Variants in PEBP4 observed in about 807,000 individuals in gnomAD.
The protein encoded by PEBP4 is phosphatidylethanolamine binding protein 4.
In PEBP4, 22 loss-of-function variants were observed where a neutral mutation model predicts 23.9. The ratio of observed to expected loss-of-function variants is 0.92; its 90% CI spans 0.66 to 1.31. The LOEUF (loss-of-function observed/expected upper bound fraction) is 1.31, where lower values mean the gene tolerates loss of function less well. Ranked by LOEUF, PEBP4 falls within the 40% of genes most tolerant of loss-of-function variation. PEBP4 has a pLI of 0.00. For synonymous variants in PEBP4, 112 were observed against 99.3 expected (o/e 1.13, Z -0.76); for missense variants, 324 against 281.7 (o/e 1.15, Z -1.07).
intron 3 of PEBP4, among the ~76,000 whole-genome samples, chr8:22,916,507 C>T (rs182171352): frequency 2.6e-3 from 396 of 152,306 alleles, no homozygotes; most frequent in Admixed American, 4.3e-3. Context: ...AGCTCACACC[C>T]CACCCCTAGG....
At chr8:22,848,075 A>G (rs1421029392) in intron 3 of PEBP4, among the ~76,000 whole-genome samples, 1 of 152,094 alleles carries the variant, frequency 6.6e-6, no homozygotes, top group African/African-American at 2.4e-5. Flanking sequence ...GGAATTCAAA[A>G]GCCGTTTTAT....
In PEBP4 at chr8:22,726,772, G is replaced by C. The variant is rs535318490; in HGVS notation, c.403+403C>G. On this transcript the variant is annotated intron_variant, in intron 5 of 6. Coordinates refer to ENST00000256404, the MANE Select transcript of PEBP4 (RefSeq NM_144962.3). ...TGCAGGGCTAAGTTTGGTGCCCAGT[G>C]CTGTGCCAGAGGCCAGCCCAGTACC... is the stretch of plus-strand genomic sequence containing the variant. Among the ~76,000 whole-genome samples the C allele has an allele frequency of 3.3e-5, 5 of 152,138 alleles. No homozygotes were observed. In the South Asian group the frequency reaches 1.0e-3, roughly 31 times the overall value.
chr8:22,855,474 T>C (rs992245470), intron 3 of PEBP4, among the ~76,000 whole-genome samples: 1 of 152,176 alleles, frequency 6.6e-6, no homozygotes, highest in African/African-American at 2.4e-5. Context: ...CTATTAGATG[T>C]GGGGTCTGTG....
intron 6 of PEBP4, among the ~76,000 whole-genome samples, chr8:22,719,428 C>T (rs1176830860): frequency 6.6e-6 from 1 of 152,180 alleles, no homozygotes; most frequent in Non-Finnish European, 1.5e-5. Context: ...TGGTGTGGCA[C>T]AGACCGCAGC....
chr8:22,839,643 A>C (rs920414636), intron 3 of PEBP4, among the ~76,000 whole-genome samples: 5 of 152,182 alleles, frequency 3.3e-5, no homozygotes, highest in African/African-American at 4.8e-5. Context: ...GCACAAAACA[A>C]ATACTTGCAG....
chr8:22,915,670 G>A (rs993024428), intron 3 of PEBP4, among the ~76,000 whole-genome samples: 9 of 152,222 alleles, frequency 5.9e-5, no homozygotes, highest in African/African-American at 2.2e-4. Flanking sequence ...CCCTGAGCCA[G>A]TGGGCCTGCA....
intron 4 of PEBP4, among the ~76,000 whole-genome samples, chr8:22,780,876 G>A (rs1321767205): frequency 6.6e-6 from 1 of 152,168 alleles, no homozygotes; most frequent in Non-Finnish European, 1.5e-5. Flanking sequence ...GTGCTCCCAC[G>A]TGTTGCCCTG....
chr8:22,760,551 G>T (rs2128752939), intron 4 of PEBP4, among the ~76,000 whole-genome samples: 1 of 152,192 alleles, frequency 6.6e-6, no homozygotes, highest in East Asian at 1.9e-4. Context: ...GGTGGCTGAG[G>T]CCAGGGAAGG....
intron 3 of PEBP4, among the ~76,000 whole-genome samples, chr8:22,901,389 G>A (rs1420156441): frequency 2.0e-5 from 3 of 152,202 alleles, no homozygotes; most frequent in African/African-American, 7.2e-5. Flanking sequence ...AGGCCTCGGG[G>A]ATTCAGTTGT....
intron 1 of PEBP4, among the ~76,000 whole-genome samples, chr8:22,933,186 T>C (rs938362823): frequency 6.6e-6 from 1 of 151,832 alleles, no homozygotes; most frequent in African/African-American, 2.4e-5. Context: ...CTTGCAGGAG[T>C]AGTCTCTGCT....
At chr8:22,819,807 C>A (rs573741950) in intron 3 of PEBP4, among the ~76,000 whole-genome samples, 1 of 152,126 alleles carries the variant, frequency 6.6e-6, no homozygotes, top group African/African-American at 2.4e-5. Context: ...GGGGTTTCAC[C>A]GTGTTAGCCA....
At chr8:22,781,491 G>A (rs185982484) in intron 4 of PEBP4, among the ~76,000 whole-genome samples, 5 of 152,108 alleles carry the variant, frequency 3.3e-5, no homozygotes, top group East Asian at 3.9e-4. Flanking sequence ...CACAGCTCCC[G>A]TCTCCATCCC....
chr8:22,803,189 C>G (rs141135646), intron 4 of PEBP4, among the ~76,000 whole-genome samples: 1 of 152,078 alleles, frequency 6.6e-6, no homozygotes, highest in Non-Finnish European at 1.5e-5. Flanking sequence ...CAATCTAATC[C>G]GACCTCTTGC....
chr8:22,811,467 C>T (rs575181488), intron 4 of PEBP4, among the ~76,000 whole-genome samples: 1 of 152,124 alleles, frequency 6.6e-6, no homozygotes, highest in Non-Finnish European at 1.5e-5. Flanking sequence ...ATCTCTAGGG[C>T]GGGACAATGA....
intron 1 of PEBP4, among the ~76,000 whole-genome samples, chr8:22,937,227 T>A (rs1809553390): frequency 6.6e-6 from 1 of 152,166 alleles, no homozygotes. Context: ...TTAGAGCTAA[T>A]AAGCAAATTC....
chr8:22,739,233 C>T (rs1019625187), intron 4 of PEBP4, among the ~76,000 whole-genome samples: 2 of 152,180 alleles, frequency 1.3e-5, no homozygotes, highest in African/African-American at 4.8e-5. Flanking sequence ...AGGTGCTGCC[C>T]TCCTCCCGTG....
At chr8:22,896,741 T>C in intron 3 of PEBP4, among the ~76,000 whole-genome samples, 1 of 152,134 alleles carries the variant, frequency 6.6e-6, no homozygotes, top group Non-Finnish European at 1.5e-5. Flanking sequence ...AGGCAGAATT[T>C]TGAAGGTGTC....
intron 3 of PEBP4, among the ~76,000 whole-genome samples, chr8:22,909,282 C>A (rs1808884568): frequency 6.6e-6 from 1 of 152,080 alleles, no homozygotes; most frequent in African/African-American, 2.4e-5. Context: ...CTTCTCCCTA[C>A]CCCATCCTCT....
At chr8:22,777,416 G>A (rs1413285476) in intron 4 of PEBP4, among the ~76,000 whole-genome samples, 3 of 152,300 alleles carry the variant, frequency 2.0e-5, no homozygotes, top group South Asian at 4.1e-4. Flanking sequence ...TGGAGCCCAG[G>A]GTGGGCCTGG....
Sources: allele counts gnomAD v4.1 joint callset (sites outside exome capture counted in the v4.1 genomes callset), GRCh38; gene constraint gnomAD v4.1.1; transcripts MANE v1.5; gene names NCBI Gene and HGNC (gene_info 2026-07-23, HGNC 2026-07-21).